The following LGR5 variants were observed in gnomAD, a reference collection of about 807,000 sequenced individuals.
LGR5 encodes the protein leucine rich repeat containing G protein-coupled receptor 5.
In LGR5, 54 loss-of-function variants were observed where a neutral mutation model predicts 76.7. That is an observed-to-expected ratio of 0.70 (90% CI 0.57 to 0.88). The LOEUF (loss-of-function observed/expected upper bound fraction) is 0.88, where lower values mean the gene tolerates loss of function less well. LGR5 is among the 40% of genes least tolerant of loss of function. The pLI is 0.00. For missense variants in LGR5, 1,078 were observed against 1,073.3 expected (o/e 1.00, Z -0.06); for synonymous variants, 406 against 421.9 (o/e 0.96, Z 0.46).
Position 71,524,389 on chromosome 12 carries a change from T to C in LGR5, c.285-17T>C. The stretch of plus-strand genomic sequence containing the variant: ...AGAGGTATGCTCACTCTCTCTCCTC[T>C]CCATTGAAACCCACAGACGTCTTGC... On this transcript the variant is annotated splice_polypyrimidine_tract_variant and intron_variant, in intron 2 of 17. Transcript: ENST00000266674. 1 of 1,599,018 alleles carries C rather than the reference T, an allele frequency of 6.3e-7. No individual in the cohort carries two copies. Among genetic ancestry groups the C allele is most frequent in the Middle Eastern group, 1.7e-4 (1 of 6,032 alleles).
At position 71,476,245 on chromosome 12, in the gene LGR5, T is replaced by A. The variant is rs1873330407; in HGVS notation, c.213-28369T>A. 2.0e-5 allele frequency among the ~76,000 whole-genome samples: 3 copies of A among 152,318 alleles called. No homozygotes were observed. The South Asian group carries it at 6.2e-4, about 32-fold the overall frequency. On this transcript the variant is annotated intron_variant, in intron 1 of 17. Coordinates refer to ENST00000266674, the MANE Select transcript of LGR5 (RefSeq NM_003667.4). ...AAGGGCTACTGAAATCCCATCTGCT[T>A]CAAGAAGCTCTTCCTAACTAATGGA...
intron 1 of LGR5, among the ~76,000 whole-genome samples, chr12:71,459,392 C>T (rs1383873249): frequency 6.6e-6 from 1 of 152,018 alleles, no homozygotes; most frequent in South Asian, 2.1e-4. Flanking sequence ...ATTTTTCCTG[C>T]ATTTGATGGG....
intron 4 of LGR5, among the ~76,000 whole-genome samples, chr12:71,550,933 T>G (rs895163318): frequency 6.6e-6 from 1 of 152,218 alleles, no homozygotes; most frequent in Non-Finnish European, 1.5e-5. Context: ...CCTCTTTATC[T>G]CCTGATGAAA....
At chr12:71,573,846 T>C (rs1034495651) in intron 13 of LGR5, among the ~76,000 whole-genome samples, 8 of 152,158 alleles carry the variant, frequency 5.3e-5, no homozygotes, top group Non-Finnish European at 4.4e-5. Context: ...TAACATCTTG[T>C]TCTGAATTTC....
At chr12:71,460,923 G>C (rs1217779476) in intron 1 of LGR5, among the ~76,000 whole-genome samples, 2 of 152,128 alleles carry the variant, frequency 1.3e-5, no homozygotes, top group Admixed American at 1.3e-4. Context: ...TCTCAACTAG[G>C]CTGTTATCTT....
chr12:71,479,063 G>A (rs1873467614), intron 1 of LGR5, among the ~76,000 whole-genome samples: 1 of 152,124 alleles, frequency 6.6e-6, no homozygotes, highest in Non-Finnish European at 1.5e-5. Flanking sequence ...CTCTCAATTT[G>A]ATTTTAAAAT....
At chr12:71,560,832 C>A (rs917278868) in intron 7 of LGR5, among the ~76,000 whole-genome samples, 5 of 152,098 alleles carry the variant, frequency 3.3e-5, no homozygotes, top group African/African-American at 1.2e-4. Flanking sequence ...AGTTTAAATC[C>A]ATTTTGTGCA....
intron 1 of LGR5, among the ~76,000 whole-genome samples, chr12:71,501,097 A>G (rs761278909): frequency 6.6e-6 from 1 of 152,210 alleles, no homozygotes; most frequent in Non-Finnish European, 1.5e-5. Flanking sequence ...AAAACAGAGC[A>G]TTTTAAAATC....
chr12:71,443,019 A>C (rs573769724), intron 1 of LGR5, among the ~76,000 whole-genome samples: 1 of 152,360 alleles, frequency 6.6e-6, no homozygotes, highest in South Asian at 2.1e-4. Context: ...ATGTGGTAAA[A>C]AGCCAGAACT....
chr12:71,524,390 C>A lies in LGR5; in HGVS notation c.285-16C>A. ...GAGGTATGCTCACTCTCTCTCCTCTCCATTGAAACCCACAGACGTCTTGCG... is the reference window on the plus strand; with the variant it reads ...GAGGTATGCTCACTCTCTCTCCTCTACATTGAAACCCACAGACGTCTTGCG... On this transcript the variant is annotated splice_polypyrimidine_tract_variant and intron_variant, in intron 2 of 17. Transcript: ENST00000266674. 1 of 1,597,322 alleles carries A rather than the reference C, an allele frequency of 6.3e-7. No homozygotes were observed. The highest frequency in any genetic ancestry group is 1.1e-5 in the South Asian group (1 of 90,500).
intron 1 of LGR5, among the ~76,000 whole-genome samples, chr12:71,485,191 A>G (rs867481074): frequency 6.6e-6 from 1 of 152,250 alleles, no homozygotes; most frequent in Non-Finnish European, 1.5e-5. Context: ...AATGATAATA[A>G]TAGCAAATAT....
chr12:71,507,979 C>T (rs543186743), intron 2 of LGR5, among the ~76,000 whole-genome samples: 32 of 151,198 alleles, frequency 2.1e-4, no homozygotes, highest in South Asian at 6.3e-4. Context: ...CCAGCACTTT[C>T]GGAGGCCAAG....
intron 3 of LGR5, among the ~76,000 whole-genome samples, chr12:71,531,585 C>T (rs1852465): frequency 0.53 from 79,968 of 151,978 alleles, 21,547 homozygotes; most frequent in East Asian, 0.87. Flanking sequence ...AAGTTATCAT[C>T]GGTCAGGTGC....
intron 3 of LGR5, among the ~76,000 whole-genome samples, chr12:71,531,973 G>A (rs1262072193): frequency 6.6e-6 from 1 of 151,846 alleles, no homozygotes; most frequent in African/African-American, 2.4e-5. Flanking sequence ...ATGACAAAAA[G>A]CTATCTGAAA....
At chr12:71,576,266 G>A (rs1878851422) in intron 13 of LGR5, among the ~76,000 whole-genome samples, 1 of 152,166 alleles carries the variant, frequency 6.6e-6, no homozygotes, top group Admixed American at 6.5e-5. Flanking sequence ...TTTTTTAAAA[G>A]ATGGTTCAAA....
At chr12:71,515,663 C>A (rs1290521806) in intron 2 of LGR5, among the ~76,000 whole-genome samples, 1 of 152,112 alleles carries the variant, frequency 6.6e-6, no homozygotes, top group Non-Finnish European at 1.5e-5. Flanking sequence ...AGCCTGATAG[C>A]CCTCATCAAA....
intron 1 of LGR5, among the ~76,000 whole-genome samples, chr12:71,463,136 C>T (rs1027868419): frequency 6.6e-5 from 10 of 152,008 alleles, no homozygotes; most frequent in African/African-American, 2.4e-4. Context: ...ATACTCCAGC[C>T]CAGTAGTTTA....
intron 1 of LGR5, among the ~76,000 whole-genome samples, chr12:71,471,654 T>A (rs1873109355): frequency 6.6e-6 from 1 of 150,478 alleles, no homozygotes; most frequent in Admixed American, 6.6e-5. Context: ...TTTTTTTTTT[T>A]AAGAGTGAGG....
intron 2 of LGR5, among the ~76,000 whole-genome samples, chr12:71,522,242 A>G (rs1284632031): frequency 6.6e-6 from 1 of 152,208 alleles, no homozygotes; most frequent in African/African-American, 2.4e-5. Context: ...GGGCAGTAAT[A>G]TGGTCAGAGT....
Sources: allele counts gnomAD v4.1 joint callset (sites outside exome capture counted in the v4.1 genomes callset), GRCh38; gene constraint gnomAD v4.1.1; transcripts MANE v1.5; gene names NCBI Gene and HGNC (gene_info 2026-07-23, HGNC 2026-07-21).